The following NFIB variants were observed in gnomAD, a reference collection of about 807,000 sequenced individuals.
NFIB encodes the protein nuclear factor 1 B-type.
Under a neutral mutation model 61.5 loss-of-function variants are expected in NFIB, and 11 were observed. The observed-to-expected ratio is 0.18, with a 90% CI of 0.11 to 0.30. The LOEUF (loss-of-function observed/expected upper bound fraction) is 0.30. Among genes scored for constraint, NFIB ranks in the 10% least tolerant of loss-of-function variants. The probability of loss-of-function intolerance (pLI) is 1.00; values close to 1 mark genes in which losing one functional copy is unlikely to be tolerated. For missense variants in NFIB, 471 were observed against 608.9 expected, an observed-to-expected ratio of 0.77 and a Z score of 2.38; for synonymous variants, 260 against 216.5, an observed-to-expected ratio of 1.20 and a Z score of -1.76.
At chr9:14,493,043 G>C in the NFIB span, among the ~76,000 whole-genome samples, 2 of 152,164 alleles carry the variant, frequency 1.3e-5, no homozygotes, top group African/African-American at 4.8e-5. Flanking sequence ...CTAAATGGTA[G>C]CAGTGATTAC....
chr9:14,221,366 T>C (rs917935117), intron 2 of NFIB, among the ~76,000 whole-genome samples: 1 of 152,236 alleles, frequency 6.6e-6, no homozygotes, highest in Non-Finnish European at 1.5e-5. Context: ...AAGGTATAAA[T>C]AGATTTGGTT....
the NFIB span, among the ~76,000 whole-genome samples, chr9:14,420,489 C>CTGGAA: frequency 7.9e-6 from 1 of 126,006 alleles, no homozygotes; most frequent in African/African-American, 2.9e-5. Flanking sequence ...CAAAGAAAGG[C>CTGGAA]TGGAAAGATA....
intron 1 of NFIB, among the ~76,000 whole-genome samples, chr9:14,367,090 T>A (rs984854917): frequency 6.6e-6 from 1 of 152,166 alleles, no homozygotes; most frequent in African/African-American, 2.4e-5. Flanking sequence ...GATAATGACA[T>A]TGGATTCAAT....
At chr9:14,133,485 G>C (rs1024388162) in intron 6 of NFIB, among the ~76,000 whole-genome samples, 3 of 152,290 alleles carry the variant, frequency 2.0e-5, no homozygotes, top group East Asian at 1.9e-4. Flanking sequence ...ACCAAATCAA[G>C]TGTGTGGGAT....
upstream of NFIB, among the ~76,000 whole-genome samples, chr9:14,315,320 C>A (rs1235620744): frequency 6.6e-6 from 1 of 151,014 alleles, no homozygotes; most frequent in African/African-American, 2.4e-5. Flanking sequence ...GCCCCGTGCA[C>A]GTGGCCTCGC....
At chr9:14,088,821 C>T (rs549878183) in intron 10 of NFIB, among the ~76,000 whole-genome samples, 5 of 152,056 alleles carry the variant, frequency 3.3e-5, no homozygotes, top group South Asian at 4.2e-4. Context: ...TTGAAAAGTA[C>T]GGTGAAAGAT....
chr9:14,109,517 C>T (rs2037040122), intron 10 of NFIB, among the ~76,000 whole-genome samples: 1 of 152,020 alleles, frequency 6.6e-6, no homozygotes, highest in Non-Finnish European at 1.5e-5. Context: ...TTCTTCAAGC[C>T]ACCAAAACCA....
At chr9:14,255,103 G>T (rs1419186847) in intron 2 of NFIB, among the ~76,000 whole-genome samples, 1 of 152,058 alleles carries the variant, frequency 6.6e-6, no homozygotes, top group African/African-American at 2.4e-5. Context: ...CATACCTGTA[G>T]TCCCAGTTTC....
chr9:14,498,981 T>C, the NFIB span, among the ~76,000 whole-genome samples: 1 of 151,968 alleles, frequency 6.6e-6, no homozygotes, highest in African/African-American at 2.4e-5. Flanking sequence ...ATGGAAGTCA[T>C]TGGCAATTGT....
chr9:14,105,057 T>C (rs1383175524), intron 10 of NFIB, among the ~76,000 whole-genome samples: 3 of 152,112 alleles, frequency 2.0e-5, no homozygotes, highest in Non-Finnish European at 4.4e-5. Flanking sequence ...AATGAGTTAG[T>C]TTTTTTGTTG....
At chr9:14,195,142 G>A (rs1587497647) in intron 2 of NFIB, among the ~76,000 whole-genome samples, 1 of 151,658 alleles carries the variant, frequency 6.6e-6, no homozygotes, top group Non-Finnish European at 1.5e-5. Context: ...TACTTCATAG[G>A]ACCAATCAAC....
intron 1 of NFIB, chr9:14,362,786 T>C (rs1012604257): frequency 1.1e-4 from 17 of 152,088 alleles, no homozygotes; most frequent in African/African-American, 3.9e-4. Context: ...TCCCCGCTAC[T>C]TGGGAAGGCT....
intron 10 of NFIB, chr9:14,102,329 CAT>C: frequency 9.2e-7 from 1 of 1,084,016 alleles, no homozygotes; most frequent in Non-Finnish European, 1.3e-6. Flanking sequence ...AAATTTTTAA[CAT>C]ATATTTTCTG....
At chr9:14,484,115 C>A in the NFIB span, among the ~76,000 whole-genome samples, 1 of 152,136 alleles carries the variant, frequency 6.6e-6, no homozygotes, top group Non-Finnish European at 1.5e-5. Flanking sequence ...TTGGAAGATC[C>A]TCCAGTGACT....
At chr9:14,435,251 G>A in the NFIB span, among the ~76,000 whole-genome samples, 5 of 152,160 alleles carry the variant, frequency 3.3e-5, no homozygotes, top group African/African-American at 9.7e-5. Context: ...TCTCCTGCTC[G>A]ACAAAAGAGG....
At chr9:14,103,346 G>T (rs185396891) in intron 10 of NFIB, among the ~76,000 whole-genome samples, 3 of 148,664 alleles carry the variant, frequency 2.0e-5, no homozygotes, top group African/African-American at 4.9e-5. Context: ...CTGGGTTGGG[G>T]GGGGGGAAAC....
chr9:14,210,190 AT>A (rs912069230), intron 2 of NFIB, among the ~76,000 whole-genome samples: 5 of 152,106 alleles, frequency 3.3e-5, no homozygotes, highest in African/African-American at 1.2e-4. Context: ...AGGATTCTGT[AT>A]TTTGCTTCCT....
At chr9:14,174,495 C>T (rs1018044252) in intron 3 of NFIB, among the ~76,000 whole-genome samples, 7 of 151,960 alleles carry the variant, frequency 4.6e-5, no homozygotes, top group East Asian at 1.9e-4. Context: ...AGGCCGGGTG[C>T]GGTGGCTCAT....
the NFIB span, among the ~76,000 whole-genome samples, chr9:14,452,740 C>T: frequency 6.6e-6 from 1 of 152,142 alleles, no homozygotes; most frequent in South Asian, 2.1e-4. Context: ...TCTGCCAAAA[C>T]ATTAGGCAGA....
Sources: gnomAD v4.1 joint callset for allele counts (sites outside exome capture counted in the v4.1 genomes callset) on GRCh38, gnomAD v4.1.1 for gene constraint, MANE v1.5 for transcripts, NCBI Gene and HGNC (gene_info 2026-07-23, HGNC 2026-07-21) for gene names.